KIRREL3: variants seen among roughly 807,000 people sequenced by gnomAD.
KIRREL3 encodes the protein kirre like nephrin family adhesion molecule 3.
In KIRREL3, 36 loss-of-function variants were observed where a neutral mutation model predicts 89.7. That is an observed-to-expected ratio of 0.40 (90% CI 0.31 to 0.53). KIRREL3 has a LOEUF of 0.53. Among genes scored for constraint, KIRREL3 ranks in the 20% least tolerant of loss-of-function variants. KIRREL3 has a pLI of 0.49. For synonymous variants in KIRREL3, 445 were observed against 441.4 expected (o/e 1.01, Z -0.10); for missense variants, 864 against 1,056.6 (o/e 0.82, Z 2.53).
At chr11:126,547,485 G>A (rs1938901410) in intron 2 of KIRREL3, among the ~76,000 whole-genome samples, 1 of 152,226 alleles carries the variant, frequency 6.6e-6, no homozygotes, top group Non-Finnish European at 1.5e-5. Flanking sequence ...TGTGTTTGGA[G>A]GCAGTGAGGA....
chr11:126,849,091 T>C (rs1462038987), intron 1 of KIRREL3, among the ~76,000 whole-genome samples: 1 of 152,138 alleles, frequency 6.6e-6, no homozygotes, highest in Non-Finnish European at 1.5e-5. Flanking sequence ...CAGAGTGAGA[T>C]AGGAGGTCGA....
rs369961226 is a variant in KIRREL3, at chr11:126,525,821, T to TC, written c.283+716dup. On this transcript the variant is annotated intron_variant, in intron 3 of 16. Transcript: ENST00000525144. This position sits in a 1 kb window ranked among gnomAD's most constrained non-coding sequence, Gnocchi z 5.4. Reference sequence around the variant, plus strand: ...AGGGGGATGAGCCATTCTTTTTTTTTCTCCAGGGAAGAGGATGGATTGGAA... The same window carrying TC: ...AGGGGGATGAGCCATTCTTTTTTTTTCCTCCAGGGAAGAGGATGGATTGGAA... 2.8e-3 allele frequency among the ~76,000 whole-genome samples: 430 copies of TC among 152,224 alleles called. 2 individuals carry two copies. Among genetic ancestry groups the TC allele is most frequent in the African/African-American group, 9.4e-3 (390 of 41,538 alleles).
Position 126,653,586 on chromosome 11 carries a change from C to T in KIRREL3, c.56-90674G>A, listed in dbSNP as rs981154600. Among the ~76,000 whole-genome samples, 4 of 152,132 alleles carry T rather than the reference C, an allele frequency of 2.6e-5. No individual in the cohort carries two copies. The highest frequency in any genetic ancestry group is 6.5e-5 in the Admixed American group (1 of 15,284). ...ACCGGAAGTGGCATTTTGCAAACTC[C>T]AATCCCCCAGGACCACATGTGAAGG... On this transcript the variant is annotated intron_variant, in intron 1 of 16. Coordinates refer to ENST00000525144, the MANE Select transcript of KIRREL3 (RefSeq NM_032531.4). This position sits in a 1 kb window ranked among gnomAD's most constrained non-coding sequence, Gnocchi z 5.4.
intron 7 of KIRREL3, among the ~76,000 whole-genome samples, chr11:126,451,474 ATG>A (rs1307915093): frequency 1.9e-4 from 22 of 116,608 alleles, no homozygotes; most frequent in East Asian, 5.8e-4. Context: ...GGGCATGTGC[ATG>A]TGTGTGTGCG....
intron 1 of KIRREL3, among the ~76,000 whole-genome samples, chr11:126,595,979 C>T (rs1302064845): frequency 6.6e-6 from 1 of 152,164 alleles, no homozygotes; most frequent in Non-Finnish European, 1.5e-5. Context: ...TGTTTCCTCC[C>T]TTAGGAGCAG....
chr11:126,761,352 C>A lies in KIRREL3; in HGVS notation c.56-198440G>T, dbSNP rs1341469204. ...TGATGAGTTGGCTTCTCAGGAGTTT[C>A]CTACTCGCTGGGGCCTGTGAGGCAC... On this transcript the variant is annotated intron_variant, in intron 1 of 16. Transcript: ENST00000525144. This position sits in a 1 kb window ranked among gnomAD's most constrained non-coding sequence, Gnocchi z 4.4. Among the ~76,000 whole-genome samples the A allele has an allele frequency of 6.6e-6, 1 of 151,766 alleles. No individual in the cohort carries two copies. Among genetic ancestry groups the A allele is most frequent in the African/African-American group, 2.4e-5 (1 of 41,312 alleles).
chr11:126,846,582 C>T (rs1167515998), intron 1 of KIRREL3, among the ~76,000 whole-genome samples: 1 of 151,952 alleles, frequency 6.6e-6, no homozygotes, highest in Non-Finnish European at 1.5e-5. Context: ...AATGAAAATC[C>T]CTTACTTACC....
rs945554679 is a variant in KIRREL3 at position 126,523,613 on chromosome 11, C to T, written c.284-2149G>A. On this transcript the variant is annotated intron_variant, in intron 3 of 16. Transcript: ENST00000525144. This position sits in a 1 kb window ranked among gnomAD's most constrained non-coding sequence, Gnocchi z 4.9. ...TGCCTCTCCTCCTGCCCACACTTCC[C>T]GCCTTCTGCTGGGCTTTGGGAATGA... 5.9e-5 allele frequency among the ~76,000 whole-genome samples: 9 copies of T among 152,100 alleles called. No homozygotes were observed. Among genetic ancestry groups the T allele is most frequent in the South Asian group, 2.1e-4 (1 of 4,814 alleles).
At chr11:126,938,731 T>G (rs7101386) in intron 1 of KIRREL3, among the ~76,000 whole-genome samples, 98,728 of 152,106 alleles carry the variant, frequency 0.65, 32,821 homozygotes, top group African/African-American at 0.78. Flanking sequence ...AGACACAATT[T>G]TCTTTTCACT....
chr11:126,774,895 C>T (rs749200722), intron 1 of KIRREL3, among the ~76,000 whole-genome samples: 27 of 152,160 alleles, frequency 1.8e-4, no homozygotes, highest in Non-Finnish European at 3.4e-4. Flanking sequence ...AGTTGCTGCT[C>T]CTGCTCCTGT....
rs141011342 is a variant in KIRREL3 at position 126,487,929 on chromosome 11, C to T, written c.434-14463G>A. Among the ~76,000 whole-genome samples, 582 of 152,346 alleles carry T rather than the reference C, an allele frequency of 3.8e-3. 7 individuals carry two copies. Among genetic ancestry groups the T allele is most frequent in the African/African-American group, 0.013 (556 of 41,576 alleles). ...GGGGTAAAGAGAAACTTGGTAGCAC[C>T]GCAGCTTCCACTACGGGGTGCCGCT... On this transcript the variant is annotated intron_variant, in intron 4 of 16. Transcript: ENST00000525144.
Position 126,965,931 on chromosome 11 carries a change from T to G in KIRREL3, c.55+34524A>C, listed in dbSNP as rs1305825339. On this transcript the variant is annotated intron_variant, in intron 1 of 16. Transcript: ENST00000525144. This position sits in a 1 kb window ranked among gnomAD's most constrained non-coding sequence, Gnocchi z 4.4. ...GTGGACTGGCCTCAACTTGTAGAAT[T>G]TAGAGTTTTCAAAGTTACTTCAATC... 1.3e-5 allele frequency among the ~76,000 whole-genome samples: 2 copies of G among 152,094 alleles called. No individual in the cohort carries two copies. Among genetic ancestry groups the G allele is most frequent in the Non-Finnish European group, 2.9e-5 (2 of 68,022 alleles).
chr11:126,933,785 A>AG (rs1382019307), intron 1 of KIRREL3, among the ~76,000 whole-genome samples: 5 of 151,692 alleles, frequency 3.3e-5, no homozygotes, highest in Admixed American at 1.3e-4. Context: ...AAAGGAAAAA[A>AG]AAAAACCAAA....
At chr11:126,902,323 A>C (rs1303427093) in intron 1 of KIRREL3, among the ~76,000 whole-genome samples, 1 of 152,232 alleles carries the variant, frequency 6.6e-6, no homozygotes, top group Non-Finnish European at 1.5e-5. Flanking sequence ...TTTGTTATAG[A>C]GGAAGAGGAT....
At position 126,623,481 on chromosome 11, in the gene KIRREL3, C is replaced by T. The variant is rs557033658; in HGVS notation, c.56-60569G>A. ...CTATGTTGGTATTCTGTGATGTACG[C>T]GGCTCTGTGTGCTGGTGAGATTTTG... On this transcript the variant is annotated intron_variant, in intron 1 of 16. Coordinates refer to ENST00000525144, the MANE Select transcript of KIRREL3 (RefSeq NM_032531.4). The surrounding 1 kb of genome is among the most constrained non-coding windows in gnomAD (Gnocchi z 4.1). Among the ~76,000 whole-genome samples, 20 of 152,262 alleles carry T rather than the reference C, an allele frequency of 1.3e-4. No homozygotes were observed. Among genetic ancestry groups the T allele is most frequent in the East Asian group, 7.7e-4 (4 of 5,178 alleles).
At chr11:126,448,862 C>A in intron 8 of KIRREL3, 147 bp downstream of exon 8, 2 of 766,114 alleles carry the variant, frequency 2.6e-6, no homozygotes, top group Non-Finnish European at 3.8e-6. Flanking sequence ...AATGCACAAA[C>A]CAGCTTTCGT....
In KIRREL3 at chr11:126,668,864, G is replaced by T. The variant is rs1052885368; in HGVS notation, c.56-105952C>A. 6.6e-6 allele frequency among the ~76,000 whole-genome samples: 1 copy of T among 151,884 alleles called. No individual in the cohort carries two copies. The highest frequency in any genetic ancestry group is 2.4e-5 in the African/African-American group (1 of 41,326). On this transcript the variant is annotated intron_variant, in intron 1 of 16. Coordinates refer to ENST00000525144, the MANE Select transcript of KIRREL3 (RefSeq NM_032531.4). The surrounding 1 kb of genome is among the most constrained non-coding windows in gnomAD (Gnocchi z 4.4). ...CCCCTGGCTCTGAGTGTGCTGCTAA[G>T]AATCTATTCCTATAGGCGTTTGGTC...
chr11:126,499,653 G>A (rs1470828412), intron 4 of KIRREL3, among the ~76,000 whole-genome samples: 1 of 152,258 alleles, frequency 6.6e-6, no homozygotes, highest in African/African-American at 2.4e-5. Context: ...AGTGGGGGCA[G>A]GGTGGGCGTC....
At position 126,579,505 on chromosome 11, in the gene KIRREL3, C is replaced by T. The variant is rs981293969; in HGVS notation, c.56-16593G>A. Among the ~76,000 whole-genome samples, 1 of 152,138 alleles carries T rather than the reference C, an allele frequency of 6.6e-6. No homozygotes were observed. Among genetic ancestry groups the T allele is most frequent in the African/African-American group, 2.4e-5 (1 of 41,426 alleles). Reference sequence around the variant, plus strand: ...CTCTCTAATTTAACGAATAACTTCTCTCATGAGCAAATGGGGTCCGGGTTC... The same window carrying T: ...CTCTCTAATTTAACGAATAACTTCTTTCATGAGCAAATGGGGTCCGGGTTC... On this transcript the variant is annotated intron_variant, in intron 1 of 16. Transcript: ENST00000525144. The surrounding 1 kb of genome is among the most constrained non-coding windows in gnomAD (Gnocchi z 5.3).
Sources: gnomAD v4.1 joint callset for allele counts (sites outside exome capture counted in the v4.1 genomes callset) on GRCh38, gnomAD v4.1.1 for gene constraint, Gnocchi (gnomAD v3.1) non-coding constraint, MANE v1.5 for transcripts, NCBI Gene and HGNC (gene_info 2026-07-23, HGNC 2026-07-21) for gene names.